Variants in DSC1 observed in about 807,000 individuals in gnomAD.
DSC1 encodes desmocollin-1.
In DSC1, 79 loss-of-function variants were observed where a neutral mutation model predicts 98.8. The ratio of observed to expected loss-of-function variants is 0.80; its 90% CI spans 0.67 to 0.96. The LOEUF (loss-of-function observed/expected upper bound fraction) is 0.96. DSC1 is among the 50% of genes least tolerant of loss of function. DSC1 has a pLI of 0.00. For missense variants in DSC1, 1,115 were observed against 1,075.9 expected, an observed-to-expected ratio of 1.04 and a Z score of -0.51; for synonymous variants, 405 against 372.1, an observed-to-expected ratio of 1.09 and a Z score of -1.02.
chr18:31,160,206 CAT>C (rs1296286380), intron 1 of DSC1, among the ~76,000 whole-genome samples: 1 of 152,080 alleles, frequency 6.6e-6, no homozygotes, highest in Non-Finnish European at 1.5e-5. Context: ...AGTTCAAAGA[CAT>C]AGACACTATC....
Position 31,142,006 on chromosome 18 carries a change from A to G in DSC1, c.1253T>C (p.Val418Ala), listed in dbSNP as rs1332923089. The G allele has an allele frequency of 3.1e-6, 5 of 1,601,910 alleles. 1 individual carries two copies. In the Admixed American group the frequency reaches 9.0e-5, roughly 29 times the overall value. Residue 418 changes from valine to alanine, a missense_variant, in exon 9 of 16, where the codon GTT becomes GCT. Physicochemically the swap from Val to Ala is moderately conservative, Grantham distance 64. Coordinates refer to ENST00000257198, the MANE Select transcript of DSC1 (RefSeq NM_024421.2). ...ATTATTTTATTTGTTTACCTTGACA[A>G]CACACAGCACTCCTTCATTTGTATT... ...DPNTNEGVLC[V>A]VKPLNYEVNR... is the part of the protein sequence containing the mutation.
chr18:31,156,759 G>C (rs1031942674), intron 3 of DSC1, among the ~76,000 whole-genome samples: 2 of 152,190 alleles, frequency 1.3e-5, no homozygotes, highest in Non-Finnish European at 2.9e-5. Context: ...TGGTGAATTT[G>C]CTGAAAATGA....
intron 15 of DSC1, 40 bp from the exon 16 acceptor site, chr18:31,130,751 A>C: frequency 2.5e-6 from 4 of 1,611,768 alleles, no homozygotes; most frequent in Non-Finnish European, 3.4e-6. Context: ...TTTTTAAAAA[A>C]CACCTAAACA....
At position 31,131,620 on chromosome 18, in the gene DSC1, T is replaced by A. The variant is rs370393725; in HGVS notation, c.2461A>T (p.Ser821Cys). 3.7e-6 allele frequency: 6 copies of A among 1,614,076 alleles called. No individual in the cohort carries two copies. The South Asian group carries it at 4.4e-5, about 12-fold the overall frequency. ...TCGCCAAGCCGAGGTTGGGTGAAAC[T>A]CTGCCAGTCCGTGTACGCATATCTG... ...TGRYAYTDWQSFTQPRLGEKV... is the reference protein window; with the variant it reads ...TGRYAYTDWQCFTQPRLGEKV... Residue 821 changes from serine to cysteine, a missense_variant, in exon 15 of 16, where the codon AGT (serine) becomes TGT (cysteine). Physicochemically the swap from Ser to Cys is moderately radical, Grantham distance 112. Transcript: ENST00000257198.
At chr18:31,152,363 C>A (rs1989017944) in intron 5 of DSC1, among the ~76,000 whole-genome samples, 1 of 152,126 alleles carries the variant, frequency 6.6e-6, no homozygotes, top group African/African-American at 2.4e-5. Context: ...TATAACTATT[C>A]TTTGAATATG....
intron 13 of DSC1, among the ~76,000 whole-genome samples, chr18:31,133,399 A>G (rs2144914583): frequency 6.6e-6 from 1 of 152,258 alleles, no homozygotes; most frequent in Non-Finnish European, 1.5e-5. Context: ...AGTGGCTCAT[A>G]TGACCATTTT....
At chr18:31,150,348 CCACCACCACCATCAT>C (rs1988961430) in intron 5 of DSC1, among the ~76,000 whole-genome samples, 1 of 8,252 alleles carries the variant, frequency 1.2e-4, no homozygotes, top group Non-Finnish European at 2.0e-4. Context: ...ACCATCACCA[CCACCACCACCATCAT>C]CACCACCACC....
chr18:31,142,673 CTT>C (rs60644385), intron 8 of DSC1, among the ~76,000 whole-genome samples: 1 of 151,538 alleles, frequency 6.6e-6, no homozygotes, highest in Non-Finnish European at 1.5e-5. Context: ...AAAAGTTTTC[CTT>C]TTTTTTTGAG....
chr18:31,151,226 G>C (rs1352707179), intron 5 of DSC1, among the ~76,000 whole-genome samples: 1 of 152,154 alleles, frequency 6.6e-6, no homozygotes, highest in Non-Finnish European at 1.5e-5. Context: ...CGCTGACTCA[G>C]AGTTGGTGAT....
chr18:31,154,887 T>G lies in DSC1; in HGVS notation c.514A>C (p.Ile172Leu). The G allele has an allele frequency of 6.2e-7, 1 of 1,614,124 alleles. No individual in the cohort carries two copies. Among genetic ancestry groups the G allele is most frequent in the Non-Finnish European group, 8.5e-7 (1 of 1,179,994 alleles). ...AAQNYTIFYS[I>L]SGPGVDKEPF... The stretch of plus-strand genomic sequence containing the variant: ...TCTTTGTCCACGCCTGGCCCACTTA[T>G]GGAATAAAAGATGGTGTAATTCTGT... Residue 172 changes from isoleucine to leucine, a missense_variant, in exon 5 of 16, where the codon ATA becomes CTA. Ile to Leu is a conservative substitution (Grantham distance 5, BLOSUM62 2). Transcript: ENST00000257198.
intron 9 of DSC1, 139 bp from the exon 10 acceptor site, chr18:31,140,440 AC>A: frequency 1.2e-6 from 1 of 852,670 alleles, no homozygotes; most frequent in Non-Finnish European, 1.6e-6. Context: ...TTAAAGACCA[AC>A]AATTAGCTTC....
At chr18:31,148,778 T>A (rs1210740576) in intron 5 of DSC1, 136 bp from the exon 6 acceptor site, 16 of 811,970 alleles carry the variant, frequency 2.0e-5, no homozygotes, top group Non-Finnish European at 2.9e-5. Flanking sequence ...AATGATGCAA[T>A]AGAGAGATAA....
In DSC1 at chr18:31,131,775, A is replaced by G. The variant is rs202156770; in HGVS notation, c.2306T>C (p.Val769Ala). 49 of 1,614,102 alleles carry G rather than the reference A, an allele frequency of 3.0e-5. No individual in the cohort carries two copies. In the African/African-American group the frequency reaches 3.2e-4, roughly 11 times the overall value. ...CTGTGTTTTGATTCCCTGGCCACCA[A>G]CAGTACCAACAGACATGCTTGTGTC... ...ICDTSMSVGT[V>A]GGQGIKTQQS... The change falls in exon 15 of 16, where the codon GTT becomes GCT. Residue 769 changes from valine (V) to alanine (A), a missense_variant. By Grantham distance (64) the Val-to-Ala change is moderately conservative. Transcript: ENST00000257198.
At chr18:31,144,198 C>T (rs7236502) in intron 7 of DSC1, among the ~76,000 whole-genome samples, 43,307 of 151,968 alleles carry the variant, frequency 0.28, 7,166 homozygotes, top group East Asian at 0.56. Context: ...GTGTGAGCCA[C>T]TGTGCCTGGC....
At chr18:31,157,730 T>A (rs1245545651) in intron 2 of DSC1, among the ~76,000 whole-genome samples, 157 bp from the exon 3 acceptor site, 3 of 152,328 alleles carry the variant, frequency 2.0e-5, no homozygotes, top group Admixed American at 1.3e-4. Context: ...GTGGGGGCCA[T>A]GAAAATTAAA....
intron 5 of DSC1, among the ~76,000 whole-genome samples, chr18:31,149,232 C>A (rs900143482): frequency 1.3e-5 from 2 of 152,178 alleles, no homozygotes; most frequent in Non-Finnish European, 2.9e-5. Flanking sequence ...TATTCCTACA[C>A]CTTCCTTATG....
At chr18:31,139,976 A>T (rs1988696154) in intron 10 of DSC1, 66 bp downstream of exon 10, 15 of 1,569,480 alleles carry the variant, frequency 9.6e-6, no homozygotes, top group Non-Finnish European at 1.3e-5. Context: ...TACATAAAAC[A>T]TTCATAACTT....
intron 11 of DSC1, among the ~76,000 whole-genome samples, chr18:31,138,888 T>C (rs928162610): frequency 3.9e-5 from 6 of 152,056 alleles, no homozygotes; most frequent in Admixed American, 2.0e-4. Context: ...CCCAAGTTCA[T>C]TTATCTTTAT....
rs186415061 is a variant in DSC1 at position 31,162,839 on chromosome 18, A to C, written c.-245T>G. On this transcript the variant is annotated 5_prime_UTR_variant, in exon 1 of 16. Transcript: ENST00000257198. ...CCAGTTCAATTACGTCTAAATGCAA[A>C]GAGGCTTTCCTACAAGTGAGGAGGG... 9 of 495,240 alleles carry C rather than the reference A, an allele frequency of 1.8e-5. No individual in the cohort carries two copies. In the Admixed American group the frequency reaches 3.2e-4, roughly 17 times the overall value. The allele number at this position is 495,240 out of a possible 1,614,324, so 30.7% of individuals were successfully genotyped here.
Sources: allele counts gnomAD v4.1 joint callset (sites outside exome capture counted in the v4.1 genomes callset), GRCh38; gene constraint gnomAD v4.1.1; transcripts MANE v1.5; gene names NCBI Gene and HGNC (gene_info 2026-07-23, HGNC 2026-07-21).